FUOM: variants seen among roughly 807,000 people sequenced by gnomAD.
The protein encoded by FUOM is fucose mutarotase.
Under a neutral mutation model 18.3 loss-of-function variants are expected in FUOM, and 19 were observed. The ratio of observed to expected loss-of-function variants is 1.04; its 90% CI spans 0.73 to 1.53. The LOEUF is 1.53. Among genes scored for constraint, FUOM ranks in the 40% most tolerant of loss-of-function variants. The pLI, the probability that FUOM is intolerant of heterozygous loss-of-function variation, is 0.00. For synonymous variants in FUOM, 102 were observed against 87.9 expected (o/e 1.16, Z -0.90); for missense variants, 210 against 200.9 (o/e 1.04, Z -0.27).
rs1327565026 is a variant in FUOM at position 133,355,396 on chromosome 10, C to A, written c.439G>T (p.Val147Leu). 1 of 1,608,810 alleles carries A rather than the reference C, an allele frequency of 6.2e-7. No individual in the cohort carries two copies. The highest frequency in any genetic ancestry group is 1.7e-5 in the Admixed American group (1 of 59,734). ...TACAGCAGGGGGTTGAGGGCAAGCA[C>A]CCCCTTCCTGAGGATGAGGTTTCCG... is the stretch of plus-strand genomic sequence containing the variant. Reference protein sequence around the residue: ...LYGNLILRKGVLALNPLL With the variant: ...LYGNLILRKGLLALNPLL The change falls in exon 6 of 6, where the codon GTG becomes TTG. Residue 147 changes from valine (V) to leucine (L), a missense_variant. Transcript: ENST00000278025.
intron 1 of FUOM, 145 bp from the exon 2 acceptor site, chr10:133,357,400 G>A (rs757100024): frequency 2.6e-6 from 2 of 782,128 alleles, no homozygotes; most frequent in Non-Finnish European, 4.3e-6. Flanking sequence ...ACCGCCGACC[G>A]GCCGCAGTCA....
chr10:133,356,649 G>A lies in FUOM; in HGVS notation c.315C>T (p.Ala105=), dbSNP rs768280081. 52 of 1,575,302 alleles carry A rather than the reference G, an allele frequency of 3.3e-5. No homozygotes were observed. The highest frequency in any genetic ancestry group is 1.3e-4 in the Admixed American group (7 of 55,392). The part of the protein sequence containing the change: ...WTEYESILRR[A]GCVRALAKIE... ...GGGGCTGCAGGCTTACCACACAGCC[G>A]GCCCTGCGTAGGATGGACTCGTACT... is the stretch of plus-strand genomic sequence containing the variant. The change falls in exon 4 of 6, where the codon GCC becomes GCT. Residue 105 remains alanine, a synonymous_variant. Coordinates refer to ENST00000278025, the MANE Select transcript of FUOM (RefSeq NM_001098483.3).
At chr10:133,357,508 T>TGCTGACCAGGCCAGGGGGCCGAC (rs1156742422) in intron 1 of FUOM, 1 of 572,900 alleles carries the variant, frequency 1.7e-6, no homozygotes, top group African/African-American at 1.9e-5. Context: ...GGCTGTCGGG[T>TGCTGACCAGGCCAGGGGGCCGAC]GCTGACCAGG....
At chr10:133,357,861 G>T in intron 1 of FUOM, 62 bp downstream of exon 1, 3 of 1,402,518 alleles carry the variant, frequency 2.1e-6, no homozygotes, top group Non-Finnish European at 2.9e-6. Flanking sequence ...GGGTCCCCGT[G>T]CAAGCCTCGC....
intron 4 of FUOM, among the ~76,000 whole-genome samples, chr10:133,356,074 T>G (rs1330738453): frequency 6.6e-6 from 1 of 152,180 alleles, no homozygotes; most frequent in African/African-American, 2.4e-5. Flanking sequence ...CTCAGTAGAC[T>G]GTCGAGCCCC....
In FUOM at chr10:133,357,025, A is replaced by G; in HGVS notation, c.155-12T>C. 1 of 1,549,658 alleles carries G rather than the reference A, an allele frequency of 6.5e-7. No individual in the cohort carries two copies. ...CGGGATGCCCAGGCCTGGAGGGCAG[A>G]GGAGGCAGCACTCAGTCTCCAGCCC... On this transcript the variant is annotated splice_polypyrimidine_tract_variant and intron_variant, in intron 2 of 5. Coordinates refer to ENST00000278025, the MANE Select transcript of FUOM (RefSeq NM_001098483.3).
intron 4 of FUOM, among the ~76,000 whole-genome samples, chr10:133,356,330 G>A (rs1848795578): frequency 6.6e-6 from 1 of 152,216 alleles, no homozygotes; most frequent in Admixed American, 6.5e-5. Context: ...GGAGGTGGAG[G>A]CCAGGCATCC....
At chr10:133,354,548 T>C (rs528920360), downstream of FUOM, among the ~76,000 whole-genome samples, 31 of 152,152 alleles carry the variant, frequency 2.0e-4, 1 homozygote, top group East Asian at 5.8e-3. Context: ...ATCTTCTTCC[T>C]GTACCTGTCA....
intron 5 of FUOM, 118 bp downstream of exon 5, chr10:133,355,620 C>T (rs1177462143): frequency 6.4e-7 from 1 of 1,569,982 alleles, no homozygotes; most frequent in Non-Finnish European, 8.8e-7. Context: ...CGTCTAGCCT[C>T]AGCCAGGCAG....
intron 4 of FUOM, 29 bp from the exon 5 acceptor site, chr10:133,355,840 G>A (rs761367033): frequency 6.3e-7 from 1 of 1,580,742 alleles, no homozygotes. Context: ...GGGTTGGAGG[G>A]AACCCTGCCA....
chr10:133,356,564 G>A, intron 4 of FUOM, 76 bp downstream of exon 4: 3 of 1,202,084 alleles, frequency 2.5e-6, no homozygotes, highest in South Asian at 1.7e-5. Flanking sequence ...GGGACCCTCT[G>A]TCTTTGGCTC....
Position 133,357,950 on chromosome 10 carries a change from C to A in FUOM, c.58G>T (p.Ala20Ser). Reference protein sequence around the residue: ...LLSPELLYALARMGHGDEIVL... With the variant: ...LLSPELLYALSRMGHGDEIVL... ...ATCTCGTCCCCGTGCCCCATCCGCG[C>A]CAGCGCGTAGAGCAGCTCGGGGGAC... is the stretch of plus-strand genomic sequence containing the variant. Residue 20 changes from alanine (A) to serine (S), a missense_variant, in exon 1 of 6, where the codon GCG (alanine) becomes TCG (serine). Coordinates refer to ENST00000278025, the MANE Select transcript of FUOM (RefSeq NM_001098483.3). 1 of 1,526,442 alleles carries A rather than the reference C, an allele frequency of 6.6e-7. No homozygotes were observed. The allele number at this position is 1,526,442 out of a possible 1,614,324, so 94.6% of individuals were successfully genotyped here.
At chr10:133,354,154 C>T (rs77079384), downstream of FUOM, among the ~76,000 whole-genome samples, 1,702 of 152,198 alleles carry the variant, frequency 0.011, 37 homozygotes, top group African/African-American at 0.038. Flanking sequence ...GCAACCAGCT[C>T]GTACACCGCT....
At chr10:133,355,530 C>T (rs1375376950) in intron 5 of FUOM, 94 bp from the exon 6 acceptor site, 1 of 1,607,954 alleles carries the variant, frequency 6.2e-7, no homozygotes, top group Admixed American at 1.7e-5. Context: ...AGACCCTGTC[C>T]ACCTTCACCC....
Position 133,357,981 on chromosome 10 carries a change from T to A in FUOM, c.27A>T (p.Ala9=). 2.0e-6 allele frequency: 3 copies of A among 1,516,598 alleles called. No homozygotes were observed. Among genetic ancestry groups the A allele is most frequent in the Non-Finnish European group, 2.6e-6 (3 of 1,136,842 alleles). 93.9% of individuals were successfully genotyped at this position (1,516,598 alleles called of 1,614,324 possible). ...CGTAGAGCAGCTCGGGGGACAGCAG[T>A]GCGGGGACACCCTTCAGCGCCACCA... The part of the protein sequence containing the change: MVALKGVP[A]LLSPELLYAL... Residue 9 remains alanine (A), a synonymous_variant, in exon 1 of 6, where the codon GCA becomes GCT. Coordinates refer to ENST00000278025, the MANE Select transcript of FUOM (RefSeq NM_001098483.3).
intron 1 of FUOM, 115 bp downstream of exon 1, chr10:133,357,808 C>A (rs1377945249): frequency 2.6e-6 from 2 of 760,478 alleles, no homozygotes; most frequent in African/African-American, 1.9e-5. Context: ...CAGGGAGGCC[C>A]GAGCAACGCC....
At chr10:133,353,224 C>A (rs879787309), downstream of FUOM, among the ~76,000 whole-genome samples, 6 of 152,178 alleles carry the variant, frequency 3.9e-5, no homozygotes, top group Non-Finnish European at 7.4e-5. Context: ...GGCGGGTAGA[C>A]CCAGGCCCAG....
chr10:133,355,536 C>G (rs779059728), intron 5 of FUOM, 100 bp from the exon 6 acceptor site: 1 of 1,608,952 alleles, frequency 6.2e-7, no homozygotes, highest in East Asian at 2.2e-5. Context: ...TGTCCACCTT[C>G]ACCCACTTGA....
chr10:133,356,943 C>T lies in FUOM; in HGVS notation c.225G>A (p.Pro75=), dbSNP rs894796971. The T allele has an allele frequency of 2.6e-6, 4 of 1,550,106 alleles. No individual in the cohort carries two copies. Among genetic ancestry groups the T allele is most frequent in the African/African-American group, 1.4e-5 (1 of 73,062 alleles). ...LLPLDTYVES[P]AAVMELVPSD... is the part of the protein sequence containing the mutation. ...GGTGCAGGGGCGACTCAGCCCTCAC[C>T]GGACTCTCCACATAGGTGTCCAGGG... The change falls in exon 3 of 6, where the codon CCG becomes CCA. Residue 75 remains proline (P), a splice_region_variant and synonymous_variant. Coordinates refer to ENST00000278025, the MANE Select transcript of FUOM (RefSeq NM_001098483.3).
Sources: gnomAD v4.1 joint callset for allele counts (sites outside exome capture counted in the v4.1 genomes callset) on GRCh38, gnomAD v4.1.1 for gene constraint, MANE v1.5 for transcripts, NCBI Gene and HGNC (gene_info 2026-07-23, HGNC 2026-07-21) for gene names.